The following LRATD1 variants were observed in gnomAD, a reference collection of about 807,000 sequenced individuals.
LRATD1 encodes protein LRATD1.
LRATD1 carries 8 observed loss-of-function variants against 21.3 expected under a neutral mutation model. That is an observed-to-expected ratio of 0.38 (90% CI 0.22 to 0.68). The LOEUF (loss-of-function observed/expected upper bound fraction) is 0.68, where lower values mean the gene tolerates loss of function less well. Among genes scored for constraint, LRATD1 ranks in the 30% least tolerant of loss-of-function variants. The pLI is 0.54. For missense variants in LRATD1, 380 were observed against 404.0 expected, an observed-to-expected ratio of 0.94 and a Z score of 0.51; for synonymous variants, 210 against 186.2, an observed-to-expected ratio of 1.13 and a Z score of -1.04.
At chr2:14,646,294 A>G (rs1671893459) in intron 3 of LRATD1, 2 of 152,290 alleles carry the variant, frequency 1.3e-5, no homozygotes, top group Non-Finnish European at 2.9e-5. Flanking sequence ...CTAACCACCT[A>G]TACTTGATGT....
rs1257412055 is a variant in LRATD1 at position 14,635,837 on chromosome 2, C to T, written c.*979C>T. The T allele has an allele frequency of 2.7e-6, 1 of 369,458 alleles. No individual in the cohort carries two copies. Among genetic ancestry groups the T allele is most frequent in the Non-Finnish European group, 5.6e-6 (1 of 179,024 alleles). The allele number at this position is 369,458 out of a possible 1,614,324, so 22.9% of individuals were successfully genotyped here. On this transcript the variant is annotated 3_prime_UTR_variant, in exon 2 of 2. Transcript: ENST00000295092. ...GGAGGACATGGCACCATTCCAGAAA[C>T]CAGCATTGTTACAACACCATAGCCA... is the stretch of plus-strand genomic sequence containing the variant.
intron 4 of LRATD1, among the ~76,000 whole-genome samples, chr2:14,648,953 G>A (rs1671945281): frequency 6.6e-6 from 1 of 152,164 alleles, no homozygotes; most frequent in South Asian, 2.1e-4. Flanking sequence ...AGTCAGGCCA[G>A]TTCATTAATG....
chr2:14,633,950 G>A lies in LRATD1; in HGVS notation c.-30G>A, dbSNP rs372453481. The A allele has an allele frequency of 1.9e-6, 3 of 1,594,150 alleles. No individual in the cohort carries two copies. The highest frequency in any genetic ancestry group is 2.6e-6 in the Non-Finnish European group (3 of 1,167,050). ...CCTCTCTGTGCCTCCGCAGATCCCC[G>A]CTCCTGGCCCTCGCCTCGCCACCTC... On this transcript the variant is annotated 5_prime_UTR_variant, in exon 2 of 2. Transcript: ENST00000295092. This position sits in a 1 kb window ranked among gnomAD's most constrained non-coding sequence, Gnocchi z 7.5.
downstream of LRATD1, among the ~76,000 whole-genome samples, chr2:14,640,554 T>C (rs144217279): frequency 2.8e-3 from 422 of 152,368 alleles, 3 homozygotes; most frequent in Non-Finnish European, 3.7e-3. Flanking sequence ...ATTGCTTATA[T>C]GTATCCTAAG....
Position 14,633,680 on chromosome 2 carries a change from T to G in LRATD1, c.-36-264T>G, listed in dbSNP as rs1376767550. On this transcript the variant is annotated intron_variant, in intron 1 of 1. Transcript: ENST00000295092. This position sits in a 1 kb window ranked among gnomAD's most constrained non-coding sequence, Gnocchi z 7.5. ...GACCCCGCAAGCTCTCCAGCCAGCC[T>G]GGGTGTTTTCTTCTGGGAGTTGGAC... 2 of 386,412 alleles carry G rather than the reference T, an allele frequency of 5.2e-6. No individual in the cohort carries two copies. Among genetic ancestry groups the G allele is most frequent in the Non-Finnish European group, 9.4e-6 (2 of 212,662 alleles). 23.9% of individuals were successfully genotyped at this position (386,412 alleles called of 1,614,324 possible). A position where few individuals can be genotyped will look rare whatever the true frequency, so the allele number is the denominator to read the frequency against.
At chr2:14,648,872 A>G (rs113155384) in intron 4 of LRATD1, among the ~76,000 whole-genome samples, 13 of 152,288 alleles carry the variant, frequency 8.5e-5, no homozygotes, top group African/African-American at 3.1e-4. Flanking sequence ...AAGTAATACA[A>G]TCAAAACTAT....
At chr2:14,646,059 T>G (rs984325578) in intron 2 of LRATD1, 1 of 152,178 alleles carries the variant, frequency 6.6e-6, no homozygotes, top group African/African-American at 2.4e-5. Context: ...CTTTGTAAGA[T>G]TTTCCTGGAA....
chr2:14,647,901 A>C (rs1671923014), intron 4 of LRATD1, among the ~76,000 whole-genome samples: 2 of 152,126 alleles, frequency 1.3e-5, no homozygotes, highest in Non-Finnish European at 1.5e-5. Context: ...AATAGTACCC[A>C]CAGCTGTGTT....
downstream of LRATD1, chr2:14,650,359 A>C (rs1359768812): frequency 2.0e-5 from 3 of 152,158 alleles, no homozygotes; most frequent in Admixed American, 6.6e-5. Context: ...GACAGCTCAT[A>C]ATTGGTTGTA....
downstream of LRATD1, among the ~76,000 whole-genome samples, chr2:14,641,350 G>A (rs1280352227): frequency 6.6e-6 from 1 of 151,774 alleles, no homozygotes; most frequent in African/African-American, 2.4e-5. Context: ...ATGTGTAGGT[G>A]CGGGTGGGTA....
intron 4 of LRATD1, among the ~76,000 whole-genome samples, chr2:14,647,893 T>C (rs1431031354): frequency 6.6e-6 from 1 of 152,150 alleles, no homozygotes; most frequent in Non-Finnish European, 1.5e-5. Flanking sequence ...AGTCTAAAAA[T>C]AGTACCCACA....
In LRATD1 at chr2:14,634,117, A is replaced by ACG; in HGVS notation, c.141_142dup (p.Gly48AlafsTer9). ...CGGATGATGAGGAAGACCTGGACGA[A>ACG]CGCGGGCAGCCCGACAAGTTTGGCG... On this transcript the variant is annotated frameshift_variant, in exon 2 of 2. Transcript: ENST00000295092. LOFTEE classifies it high-confidence loss of function. 6.2e-7 allele frequency: 1 copy of ACG among 1,614,110 alleles called. No homozygotes were observed. The highest frequency in any genetic ancestry group is 8.5e-7 in the Non-Finnish European group (1 of 1,180,028).
intron 2 of LRATD1, among the ~76,000 whole-genome samples, chr2:14,645,384 G>T (rs1214433786): frequency 2.0e-5 from 3 of 152,166 alleles, no homozygotes; most frequent in South Asian, 2.1e-4. Context: ...CTTCTGGACT[G>T]CAATTCCTTA....
At position 14,633,724 on chromosome 2, in the gene LRATD1, C is replaced by CGGAGGCT; in HGVS notation, c.-36-218_-36-212dup. 1 of 510,038 alleles carries CGGAGGCT rather than the reference C, an allele frequency of 2.0e-6. No homozygotes were observed. Among genetic ancestry groups the CGGAGGCT allele is most frequent in the Admixed American group, 3.3e-5 (1 of 30,592 alleles). 31.6% of individuals were successfully genotyped at this position (510,038 alleles called of 1,614,324 possible). A position where few individuals can be genotyped will look rare whatever the true frequency, so the allele number is the denominator to read the frequency against. On this transcript the variant is annotated intron_variant, in intron 1 of 1. Transcript: ENST00000295092. The surrounding 1 kb of genome is among the most constrained non-coding windows in gnomAD (Gnocchi z 7.5). The stretch of plus-strand genomic sequence containing the variant: ...GTTGGACCGAGTTCCCGGAAGGGGT[C>CGGAGGCT]GGAGGCTGTGTGGTGGCGTCTGCTC...
rs1377504983 is a variant in LRATD1 at position 14,639,405 on chromosome 2, C to T, written c.*4547C>T. The T allele has an allele frequency of 6.0e-6, 1 of 166,860 alleles. No individual in the cohort carries two copies. Among genetic ancestry groups the T allele is most frequent in the Non-Finnish European group, 1.5e-5 (1 of 68,100 alleles). The allele number at this position is 166,860 out of a possible 1,614,324, so 10.3% of individuals were successfully genotyped here. The stretch of plus-strand genomic sequence containing the variant: ...AGATAAAGTGGGGAGGCTATGAGAT[C>T]ATATAATGAGCTAATAAACTTTTCA... On this transcript the variant is annotated 3_prime_UTR_variant, in exon 2 of 2. Transcript: ENST00000295092.
chr2:14,635,863 G>A lies in LRATD1; in HGVS notation c.*1005G>A. On this transcript the variant is annotated 3_prime_UTR_variant, in exon 2 of 2. Transcript: ENST00000295092. The stretch of plus-strand genomic sequence containing the variant: ...CAGCATTGTTACAACACCATAGCCA[G>A]TATATTTAGTTTGGCTTTTCCTAAC... 2.9e-6 allele frequency: 1 copy of A among 339,376 alleles called. No homozygotes were observed. Among genetic ancestry groups the A allele is most frequent in the Non-Finnish European group, 6.1e-6 (1 of 162,638 alleles). The allele number at this position is 339,376 out of a possible 1,614,324, so 21.0% of individuals were successfully genotyped here.
chr2:14,633,001 G>T lies in LRATD1; in HGVS notation c.-37+64G>T, dbSNP rs1180555362. On this transcript the variant is annotated intron_variant, in intron 1 of 1. Transcript: ENST00000295092. This position sits in a 1 kb window ranked among gnomAD's most constrained non-coding sequence, Gnocchi z 7.5. ...TTCTTCATCCGATTGTTTGGATCCTGTGCTGGGTAGGAGGGAGAGGGGTCT... is the reference window on the plus strand; with the variant it reads ...TTCTTCATCCGATTGTTTGGATCCTTTGCTGGGTAGGAGGGAGAGGGGTCT... The T allele has an allele frequency of 6.6e-6, 1 of 152,526 alleles. No individual in the cohort carries two copies. Among genetic ancestry groups the T allele is most frequent in the Non-Finnish European group, 1.5e-5 (1 of 68,294 alleles). The allele number at this position is 152,526 out of a possible 1,614,324, so 9.4% of individuals were successfully genotyped here. A position where few individuals can be genotyped will look rare whatever the true frequency, so the allele number is the denominator to read the frequency against.
intron 4 of LRATD1, chr2:14,649,292 T>C: frequency 2.2e-6 from 1 of 456,532 alleles, no homozygotes; most frequent in South Asian, 1.5e-5. Flanking sequence ...AATAAAAACA[T>C]TGTGTTTTTC....
In LRATD1 at chr2:14,634,879, C is replaced by A. The variant is rs752964073; in HGVS notation, c.*21C>A. The A allele has an allele frequency of 1.9e-6, 3 of 1,598,706 alleles. No individual in the cohort carries two copies. The South Asian group carries it at 3.3e-5, about 18-fold the overall frequency. On this transcript the variant is annotated 3_prime_UTR_variant, in exon 2 of 2. Transcript: ENST00000295092. ...AGTAGCCGCCTAGGGGCTGCCGGCC[C>A]CTCTGCCTCCCCCGCACCTCGCTCC...
Sources: gnomAD v4.1 joint callset for allele counts (sites outside exome capture counted in the v4.1 genomes callset) on GRCh38, gnomAD v4.1.1 for gene constraint, Gnocchi (gnomAD v3.1) non-coding constraint, MANE v1.5 for transcripts, NCBI Gene and HGNC (gene_info 2026-07-23, HGNC 2026-07-21) for gene names.